Variants in PKD1L1 observed in about 807,000 individuals in gnomAD.
The protein encoded by PKD1L1 is polycystin-1-like protein 1.
Under a neutral mutation model 323.4 loss-of-function variants are expected in PKD1L1, and 236 were observed. The ratio of observed to expected loss-of-function variants is 0.73; its 90% CI spans 0.66 to 0.81. PKD1L1 has a LOEUF of 0.81. Among genes scored for constraint, PKD1L1 ranks in the 40% least tolerant of loss-of-function variants. PKD1L1 has a pLI of 0.00. For synonymous variants in PKD1L1, 1,344 were observed against 1,335.0 expected (o/e 1.01, Z -0.15); for missense variants, 3,320 against 3,508.0 (o/e 0.95, Z 1.35).
chr7:47,779,632 C>A (rs1786645079), intron 56 of PKD1L1, among the ~76,000 whole-genome samples: 1 of 152,162 alleles, frequency 6.6e-6, no homozygotes, highest in South Asian at 2.1e-4. Flanking sequence ...ATGGCTCCAC[C>A]TTTACAGAGT....
At chr7:47,830,182 G>T in intron 42 of PKD1L1, 58 bp from the exon 43 acceptor site, 1 of 1,431,046 alleles carries the variant, frequency 7.0e-7, no homozygotes, top group Non-Finnish European at 9.8e-7. Flanking sequence ...CCACCCAGCA[G>T]TCATTGCTGC....
rs1786788322 is a variant in PKD1L1 at position 47,890,546 on chromosome 7, A to G, written c.2671T>C (p.Phe891Leu). 8 of 1,613,984 alleles carry G rather than the reference A, an allele frequency of 5.0e-6. No homozygotes were observed. Among genetic ancestry groups the G allele is most frequent in the Non-Finnish European group, 6.8e-6 (8 of 1,179,972 alleles). Residue 891 changes from phenylalanine to leucine, a missense_variant, in exon 16 of 57, where the codon TTC becomes CTC. Phe to Leu is a conservative substitution (Grantham distance 22). Transcript: ENST00000289672. ...VFLSPYPDSAFRFVHISWVSF... is the reference protein window; with the variant it reads ...VFLSPYPDSALRFVHISWVSF... ...GCTGAATACAGGGTCAGGTACCTGA[A>G]CGCCGAGTCAGGGTAGGGGGACAGG... is the stretch of plus-strand genomic sequence containing the variant.
At chr7:47,807,465 T>C (rs1052758174) in intron 52 of PKD1L1, among the ~76,000 whole-genome samples, 5 of 152,078 alleles carry the variant, frequency 3.3e-5, no homozygotes, top group Non-Finnish European at 5.9e-5. Flanking sequence ...TCTAGGTTGC[T>C]ATAGGACTCA....
rs770613428 is a variant in PKD1L1, at chr7:47,915,528, T to C, written c.1132A>G (p.Thr378Ala). 1.3e-6 allele frequency: 2 copies of C among 1,539,976 alleles called. No homozygotes were observed. Among genetic ancestry groups the C allele is most frequent in the Admixed American group, 3.3e-5 (2 of 59,836 alleles). Reference sequence around the variant, plus strand: ...CTTTGGCACAAGTAAACATTTAAAGTTGTATTTTGTGTCTCTGCTTCTTTG... The same window carrying C: ...CTTTGGCACAAGTAAACATTTAAAGCTGTATTTTGTGTCTCTGCTTCTTTG... ...TYKEAETQNTTLNVYLCQSEN... is the reference protein window; with the variant it reads ...TYKEAETQNTALNVYLCQSEN... The change falls in exon 8 of 57, where the codon ACT becomes GCT. Residue 378 changes from threonine (T) to alanine (A), a missense_variant. Transcript: ENST00000289672.
In PKD1L1 at chr7:47,858,737, T is replaced by C; in HGVS notation, c.4298A>G (p.Glu1433Gly). The change falls in exon 27 of 57, where the codon GAA (glutamate) becomes GGA (glycine). Residue 1433 changes from glutamate (E) to glycine (G), a missense_variant. Physicochemically the swap from Glu to Gly is moderately conservative, Grantham distance 98. Transcript: ENST00000289672. ...ISRVWEVSEQENSKEEVYRHE... is the reference protein window; with the variant it reads ...ISRVWEVSEQGNSKEEVYRHE... ...TCGATAGACTTCCTCCTTCGAGTTT[T>C]CTTGCTCAGAGACTTCCCAGACTCT... is the stretch of plus-strand genomic sequence containing the variant. 2 of 1,614,182 alleles carry C rather than the reference T, an allele frequency of 1.2e-6. No homozygotes were observed. The highest frequency in any genetic ancestry group is 1.1e-5 in the South Asian group (1 of 91,080).
At chr7:47,826,843 C>T (rs968599469) in intron 45 of PKD1L1, among the ~76,000 whole-genome samples, 1 of 152,140 alleles carries the variant, frequency 6.6e-6, no homozygotes, top group African/African-American at 2.4e-5. Flanking sequence ...TTATGAGAAC[C>T]ATAACACAGC....
At chr7:47,873,867 C>T in intron 24 of PKD1L1, 32 bp downstream of exon 24, 3 of 1,521,866 alleles carry the variant, frequency 2.0e-6, no homozygotes, top group Non-Finnish European at 2.7e-6. Flanking sequence ...CAAATAATGG[C>T]TAGGATGTCT....
Position 47,898,047 on chromosome 7 carries a change from G to A in PKD1L1, c.2212C>T (p.Gln738Ter). 6.2e-7 allele frequency: 1 copy of A among 1,613,680 alleles called. No homozygotes were observed. Among genetic ancestry groups the A allele is most frequent in the South Asian group, 1.1e-5 (1 of 91,028 alleles). ...SLPAAVDTHR[Q>*]TLILPSHTLE... ...GTGTGGCTCGGGAGGATGAGGGTCTGTCTGTGAGTGTCCACAGCAGCAGGG... is the reference window on the plus strand; with the variant it reads ...GTGTGGCTCGGGAGGATGAGGGTCTATCTGTGAGTGTCCACAGCAGCAGGG... Residue 738 changes from glutamine to a stop codon, truncating the protein, a stop_gained, in exon 14 of 57, where the codon CAG becomes TAG. Coordinates refer to ENST00000289672, the MANE Select transcript of PKD1L1 (RefSeq NM_138295.5). LOFTEE classifies it high-confidence loss of function.
At chr7:47,844,127 A>T (rs1785616817) in intron 33 of PKD1L1, among the ~76,000 whole-genome samples, 1 of 152,178 alleles carries the variant, frequency 6.6e-6, no homozygotes, top group African/African-American at 2.4e-5. Context: ...CCCCAGCCCC[A>T]GTGGTATCAA....
In PKD1L1 at chr7:47,808,330, G is replaced by A; in HGVS notation, c.7744C>T (p.Leu2582Phe). 1.2e-6 allele frequency: 2 copies of A among 1,614,194 alleles called. No homozygotes were observed. Among genetic ancestry groups the A allele is most frequent in the Non-Finnish European group, 8.5e-7 (1 of 1,180,044 alleles). Reference sequence around the variant, plus strand: ...AACTGGTTAGTGACATCTCCAGCAAGAGTAACAAGGTGGCCGGAAACTGCA... The same window carrying A: ...AACTGGTTAGTGACATCTCCAGCAAAAGTAACAAGGTGGCCGGAAACTGCA... ...YYAVSGHLVTLAGDVTNQFHR... is the reference protein window; with the variant it reads ...YYAVSGHLVTFAGDVTNQFHR... Residue 2582 changes from leucine (L) to phenylalanine (F), a missense_variant, in exon 52 of 57, where the codon CTT (leucine) becomes TTT (phenylalanine). Coordinates refer to ENST00000289672, the MANE Select transcript of PKD1L1 (RefSeq NM_138295.5).
At chr7:47,897,853 A>AT (rs35976264) in intron 14 of PKD1L1, 135 bp downstream of exon 14, 6,426 of 548,762 alleles carry the variant, frequency 0.012, no homozygotes, top group South Asian at 0.026. Context: ...TCCAATGCAG[A>AT]TTTTTTTTTT....
In PKD1L1 at chr7:47,868,831, C is replaced by T. The variant is rs532503265; in HGVS notation, c.3897-2217G>A. Among the ~76,000 whole-genome samples the T allele has an allele frequency of 2.1e-4, 32 of 152,228 alleles. No homozygotes were observed. In the South Asian group the frequency reaches 2.3e-3, roughly 11 times the overall value. ...CGGAGGTTGCAGTGAGCCGAGATCACGGCACTGCACTCCAGCCTGGGCAAC... is the reference window on the plus strand; with the variant it reads ...CGGAGGTTGCAGTGAGCCGAGATCATGGCACTGCACTCCAGCCTGGGCAAC... On this transcript the variant is annotated intron_variant, in intron 24 of 56. Transcript: ENST00000289672.
At chr7:47,917,508 T>A (rs1177459522) in intron 7 of PKD1L1, among the ~76,000 whole-genome samples, 1 of 152,162 alleles carries the variant, frequency 6.6e-6, no homozygotes, top group African/African-American at 2.4e-5. Context: ...CACAAAAAGA[T>A]CATTGCCTAG....
chr7:47,919,135 C>T (rs1787487662), intron 7 of PKD1L1, among the ~76,000 whole-genome samples: 1 of 151,864 alleles, frequency 6.6e-6, no homozygotes, highest in South Asian at 2.1e-4. Context: ...GCAAGATTAA[C>T]CAAAAAAAGA....
rs751737926 is a variant in PKD1L1, at chr7:47,845,039, C to G, written c.5193G>C (p.Lys1731Asn). The G allele has an allele frequency of 1.1e-5, 17 of 1,614,038 alleles. No individual in the cohort carries two copies. In the South Asian group the frequency reaches 1.5e-4, roughly 15 times the overall value. The change falls in exon 33 of 57, where the codon AAG becomes AAC. Residue 1731 changes from lysine to asparagine, a missense_variant. Transcript: ENST00000289672. ...CACTCACTTCAAAACTGGCCTTCAG[C>G]TTTCTCCTTAGGAGAGCGAATGCCG... Reference protein sequence around the residue: ...RLAAFALLRRKLKASFEVSDI... With the variant: ...RLAAFALLRRNLKASFEVSDI...
rs1410061048 is a variant in PKD1L1 at position 47,843,050 on chromosome 7, A to AAGATGT, written c.5351_5356dup (p.Tyr1784_Ile1785dup). 2 of 1,613,926 alleles carry AAGATGT rather than the reference A, an allele frequency of 1.2e-6. No homozygotes were observed. Among genetic ancestry groups the AAGATGT allele is most frequent in the Non-Finnish European group, 1.7e-6 (2 of 1,179,952 alleles). ...GCCCGGCAGGGAAGCTTCTTGCAGA[A>AAGATGT]AGATGTAACCAGCTTTCTTTTTTTC... On this transcript the variant is annotated inframe_insertion, in exon 34 of 57. Transcript: ENST00000289672.
In PKD1L1 at chr7:47,840,977, C is replaced by A. The variant is rs979091150; in HGVS notation, c.5446-410G>T. 2.0e-5 allele frequency among the ~76,000 whole-genome samples: 3 copies of A among 152,142 alleles called. No individual in the cohort carries two copies. Among genetic ancestry groups the A allele is most frequent in the African/African-American group, 7.2e-5 (3 of 41,440 alleles). ...GGTACCCATGCACCTGTGGGCACAC[C>A]CTGGGGAGGCACATGACAATCTGGC... is the stretch of plus-strand genomic sequence containing the variant. On this transcript the variant is annotated intron_variant, in intron 34 of 56. Transcript: ENST00000289672. This position sits in a 1 kb window ranked among gnomAD's most constrained non-coding sequence, Gnocchi z 4.1.
At chr7:47,900,064 G>A (rs6463453) in intron 13 of PKD1L1, among the ~76,000 whole-genome samples, 77,950 of 151,808 alleles carry the variant, frequency 0.51, 21,300 homozygotes, top group African/African-American at 0.7. Flanking sequence ...ACATTCTTTA[G>A]GTGACTTTAG....
chr7:47,876,595 C>T (rs897147004), intron 22 of PKD1L1, among the ~76,000 whole-genome samples: 4 of 152,006 alleles, frequency 2.6e-5, no homozygotes, highest in South Asian at 4.2e-4. Context: ...AGGGAGGGGT[C>T]GGGGTGCCTC....
Sources: gnomAD v4.1 joint callset for allele counts (sites outside exome capture counted in the v4.1 genomes callset) on GRCh38, gnomAD v4.1.1 for gene constraint, Gnocchi (gnomAD v3.1) non-coding constraint, MANE v1.5 for transcripts, NCBI Gene and HGNC (gene_info 2026-07-23, HGNC 2026-07-21) for gene names.